The following PTPRM variants were observed in gnomAD, a reference collection of about 807,000 sequenced individuals.
PTPRM encodes receptor-type tyrosine-protein phosphatase mu.
A neutral mutation model predicts 186.7 loss-of-function variants in PTPRM; 47 were observed. The ratio of observed to expected loss-of-function variants is 0.25; its 90% CI spans 0.20 to 0.32. The LOEUF (loss-of-function observed/expected upper bound fraction) is 0.32, where lower values mean the gene tolerates loss of function less well. Among genes scored for constraint, PTPRM ranks in the 10% least tolerant of loss-of-function variants. The pLI is 1.00. For synonymous variants in PTPRM, 668 were observed against 674.9 expected (o/e 0.99, Z 0.16); for missense variants, 1,494 against 1,865.0 (o/e 0.80, Z 3.66).
rs537892192 is a variant in PTPRM, at chr18:7,639,919, C to T, written c.73+72028C>T. On this transcript the variant is annotated intron_variant, in intron 1 of 32. Transcript: ENST00000580170. ...TTGCCACATCTTAACAAGTAGATTA[C>T]TAAAGAAGGAAATAGCCTTGTTATC... Among the ~76,000 whole-genome samples, 3 of 152,216 alleles carry T rather than the reference C, an allele frequency of 2.0e-5. No individual in the cohort carries two copies. In the South Asian group the frequency reaches 6.2e-4, roughly 32 times the overall value.
intron 24 of PTPRM, among the ~76,000 whole-genome samples, chr18:8,373,453 G>C (rs2148471301): frequency 6.6e-6 from 1 of 152,288 alleles, no homozygotes; most frequent in East Asian, 1.9e-4. Context: ...ACAGTACCCA[G>C]AGTGTCAGAA....
At chr18:8,035,657 C>T (rs896896279) in intron 7 of PTPRM, among the ~76,000 whole-genome samples, 4 of 151,396 alleles carry the variant, frequency 2.6e-5, no homozygotes, top group Non-Finnish European at 5.9e-5. Context: ...CTGACTGTAC[C>T]TATAAAAAGA....
At chr18:7,837,090 C>G (rs2046088229) in intron 2 of PTPRM, among the ~76,000 whole-genome samples, 1 of 152,170 alleles carries the variant, frequency 6.6e-6, no homozygotes, top group Admixed American at 6.5e-5. Context: ...CGGTCTCTTT[C>G]TCTACCTCTT....
chr18:8,334,678 C>G (rs1264538502), intron 22 of PTPRM, among the ~76,000 whole-genome samples: 1 of 152,158 alleles, frequency 6.6e-6, no homozygotes, highest in Non-Finnish European at 1.5e-5. Context: ...CAATACGGAC[C>G]ATCTTTTTGT....
intron 29 of PTPRM, among the ~76,000 whole-genome samples, chr18:8,381,017 T>C (rs1160593354): frequency 6.6e-6 from 1 of 152,076 alleles, no homozygotes; most frequent in Non-Finnish European, 1.5e-5. Context: ...AGTAAAGATA[T>C]TAAAAAGAAA....
intron 9 of PTPRM, among the ~76,000 whole-genome samples, chr18:8,082,720 C>A (rs867433359): frequency 1.3e-5 from 2 of 151,724 alleles, no homozygotes; most frequent in African/African-American, 4.8e-5. Flanking sequence ...TCCCTAGTGA[C>A]CCCCTCCATT....
At chr18:8,115,431 C>T (rs1025740007) in intron 13 of PTPRM, among the ~76,000 whole-genome samples, 1 of 152,174 alleles carries the variant, frequency 6.6e-6, no homozygotes, top group Non-Finnish European at 1.5e-5. Flanking sequence ...CCCAGCATCT[C>T]CTGCAGAAGC....
At chr18:8,098,846 C>T (rs1209240378) in intron 11 of PTPRM, among the ~76,000 whole-genome samples, 2 of 152,066 alleles carry the variant, frequency 1.3e-5, no homozygotes, top group Non-Finnish European at 2.9e-5. Context: ...TCTCCAATCC[C>T]CATTCACCCT....
intron 6 of PTPRM, among the ~76,000 whole-genome samples, chr18:7,954,071 T>C (rs1023401876): frequency 2.0e-5 from 3 of 152,204 alleles, no homozygotes; most frequent in Non-Finnish European, 2.9e-5. Flanking sequence ...TCATTTATCA[T>C]GTGTGGTATC....
At chr18:8,096,391 T>C (rs747503055) in intron 11 of PTPRM, among the ~76,000 whole-genome samples, 5 of 152,222 alleles carry the variant, frequency 3.3e-5, no homozygotes, top group Non-Finnish European at 7.3e-5. Flanking sequence ...TGCACATTCG[T>C]GGAGGCGAGA....
intron 19 of PTPRM, among the ~76,000 whole-genome samples, chr18:8,256,255 T>TG (rs774450674): frequency 2.6e-5 from 4 of 152,142 alleles, no homozygotes; most frequent in Non-Finnish European, 5.9e-5. Context: ...AGGCTGTGGT[T>TG]TGGAACACAG....
intron 1 of PTPRM, among the ~76,000 whole-genome samples, chr18:7,678,949 A>G (rs951830959): frequency 2.0e-5 from 3 of 152,156 alleles, no homozygotes; most frequent in Non-Finnish European, 4.4e-5. Context: ...GCGTTTTTAA[A>G]CAGTCATCAC....
intron 2 of PTPRM, among the ~76,000 whole-genome samples, chr18:7,884,115 C>G (rs540585171): frequency 1.3e-5 from 2 of 152,270 alleles, no homozygotes; most frequent in Admixed American, 6.5e-5. Flanking sequence ...CCACTGCACT[C>G]CAGCCTGGGG....
intron 2 of PTPRM, among the ~76,000 whole-genome samples, chr18:7,849,374 T>C (rs1321471679): frequency 6.6e-6 from 1 of 152,248 alleles, no homozygotes; most frequent in Non-Finnish European, 1.5e-5. Flanking sequence ...TTCCCTGCCC[T>C]GGCAATCTTT....
intron 1 of PTPRM, among the ~76,000 whole-genome samples, chr18:7,731,741 G>A (rs1027616328): frequency 1.3e-5 from 2 of 152,242 alleles, no homozygotes; most frequent in Admixed American, 6.5e-5. Context: ...ACCATGGCAC[G>A]AAATAATATA....
intron 14 of PTPRM, among the ~76,000 whole-genome samples, chr18:8,148,412 C>A (rs1279077181): frequency 6.6e-6 from 1 of 152,136 alleles, no homozygotes; most frequent in Non-Finnish European, 1.5e-5. Context: ...TTCATTTCTT[C>A]TAGATTTTCT....
At chr18:7,592,959 CAACCTGGAT>C (rs2037165617) in intron 1 of PTPRM, among the ~76,000 whole-genome samples, 1 of 152,192 alleles carries the variant, frequency 6.6e-6, no homozygotes, top group Admixed American at 6.5e-5. Flanking sequence ...GCTTCTATTA[CAACCTGGAT>C]TAGAAAAATT....
At chr18:8,371,470 C>T (rs2095662461) in intron 24 of PTPRM, among the ~76,000 whole-genome samples, 1 of 152,126 alleles carries the variant, frequency 6.6e-6, no homozygotes, top group African/African-American at 2.4e-5. Context: ...CTTTCGAAAC[C>T]TCTGGTTTAA....
rs1478230940 is a variant in PTPRM at position 7,614,371 on chromosome 18, T to G, written c.73+46480T>G. Among the ~76,000 whole-genome samples the G allele has an allele frequency of 2.0e-5, 3 of 152,272 alleles. 1 individual carries two copies. The highest frequency in any genetic ancestry group is 6.8e-3 in the Middle Eastern group (2 of 294). Reference sequence around the variant, plus strand: ...AAGATGCTAGAAGTTTGATTTTGTGTGATCAAACATCATTTAGAAGCTAAG... The same window carrying G: ...AAGATGCTAGAAGTTTGATTTTGTGGGATCAAACATCATTTAGAAGCTAAG... On this transcript the variant is annotated intron_variant, in intron 1 of 32. Transcript: ENST00000580170.
Sources: gnomAD v4.1 joint callset for allele counts (sites outside exome capture counted in the v4.1 genomes callset) on GRCh38, gnomAD v4.1.1 for gene constraint, MANE v1.5 for transcripts, NCBI Gene and HGNC (gene_info 2026-07-23, HGNC 2026-07-21) for gene names.